TENM3: variants seen among roughly 807,000 people sequenced by gnomAD.
The protein encoded by TENM3 is teneurin transmembrane protein 3.
A neutral mutation model predicts 255.1 loss-of-function variants in TENM3; 63 were observed. The observed-to-expected ratio is 0.25, with a 90% CI of 0.20 to 0.30. The LOEUF is 0.30. TENM3 is among the 10% of genes least tolerant of loss of function. The pLI is 1.00. For missense variants in TENM3, 2,929 were observed against 3,461.1 expected (o/e 0.85, Z 3.86); for synonymous variants, 1,306 against 1,322.3 (o/e 0.99, Z 0.27).
intron 4 of TENM3, among the ~76,000 whole-genome samples, chr4:182,602,623 A>C (rs1748008301): frequency 6.6e-6 from 1 of 152,164 alleles, no homozygotes; most frequent in Non-Finnish European, 1.5e-5. Flanking sequence ...ATTTTGTATT[A>C]TTGAACATTC....
At chr4:182,269,318 G>A (rs1011644443) in intron 1 of TENM3, among the ~76,000 whole-genome samples, 1 of 152,046 alleles carries the variant, frequency 6.6e-6, no homozygotes, top group Non-Finnish European at 1.5e-5. Context: ...TGTCTGCAGG[G>A]GCAAGAAAGG....
chr4:182,380,927 CTT>C (rs1487095145), intron 3 of TENM3, among the ~76,000 whole-genome samples: 1 of 152,198 alleles, frequency 6.6e-6, no homozygotes, highest in East Asian at 1.9e-4. Flanking sequence ...GAAACCTCCT[CTT>C]GTTTGGCACC....
At chr4:181,847,813 T>C in the TENM3 span, among the ~76,000 whole-genome samples, 2 of 152,132 alleles carry the variant, frequency 1.3e-5, no homozygotes, top group Non-Finnish European at 2.9e-5. Context: ...TTAGAGTTTC[T>C]TTTAAAGATT....
At chr4:182,674,971 G>A (rs1042567001) in intron 7 of TENM3, among the ~76,000 whole-genome samples, 2 of 151,994 alleles carry the variant, frequency 1.3e-5, no homozygotes, top group Non-Finnish European at 2.9e-5. Context: ...CCGCCTCCCG[G>A]GTTCAAGTGA....
intron 1 of TENM3, among the ~76,000 whole-genome samples, chr4:182,234,088 C>T (rs1181642976): frequency 1.3e-5 from 2 of 152,156 alleles, no homozygotes; most frequent in Non-Finnish European, 2.9e-5. Context: ...CTGACAAATG[C>T]AGAAACCTCC....
chr4:181,859,172 G>A, the TENM3 span, among the ~76,000 whole-genome samples: 11 of 145,514 alleles, frequency 7.6e-5, no homozygotes, highest in Admixed American at 8.1e-4. Context: ...GAACCCAGGG[G>A]GCAGAGGTTG....
the TENM3 span, among the ~76,000 whole-genome samples, chr4:181,910,942 C>T: frequency 6.6e-6 from 1 of 152,026 alleles, no homozygotes; most frequent in South Asian, 2.1e-4. Context: ...CAGTTGTTTG[C>T]TATTATCAAT....
chr4:181,887,641 T>A, the TENM3 span, among the ~76,000 whole-genome samples: 1 of 152,232 alleles, frequency 6.6e-6, no homozygotes, highest in Non-Finnish European at 1.5e-5. Flanking sequence ...CGACAAAATT[T>A]TAAGTTCAGT....
intron 12 of TENM3, among the ~76,000 whole-genome samples, chr4:182,694,282 T>C (rs933450454): frequency 7.9e-5 from 12 of 151,966 alleles, no homozygotes; most frequent in Non-Finnish European, 1.3e-4. Flanking sequence ...GCTCATTTTT[T>C]GTATTTTTGT....
At position 182,800,122 on chromosome 4, in the gene TENM3, C is replaced by G. The variant is rs199649207; in HGVS notation, c.7871C>G (p.Ala2624Gly). ...GAGAAGGCGCGCATCCTGGAGCAGG[C>G]GCGGCAGCGCGCGCTCGCCCGGGCC... ...DEEKARILEQARQRALARAWA... is the reference protein window; with the variant it reads ...DEEKARILEQGRQRALARAWA... The change falls in exon 28 of 28, where the codon GCG (alanine) becomes GGG (glycine). Residue 2624 changes from alanine (A) to glycine (G), a missense_variant. Ala to Gly is a moderately conservative substitution (Grantham distance 60). Coordinates refer to ENST00000511685, the MANE Select transcript of TENM3 (RefSeq NM_001080477.4). 1,777 of 1,492,570 alleles carry G rather than the reference C, an allele frequency of 1.2e-3. 1 individual carries two copies. The highest frequency in any genetic ancestry group is 1.4e-3 in the Non-Finnish European group (1,594 of 1,129,878). 92.5% of individuals were successfully genotyped at this position (1,492,570 alleles called of 1,614,324 possible).
At chr4:182,238,678 TC>T (rs1161556516), upstream of TENM3, among the ~76,000 whole-genome samples, 2 of 152,218 alleles carry the variant, frequency 1.3e-5, no homozygotes, top group African/African-American at 2.4e-5. Context: ...TCCCTGACTG[TC>T]GGTGCTCAGT....
At position 182,196,565 on chromosome 4, in the gene TENM3, C is replaced by T. The variant is rs535892432; in HGVS notation, c.-76+51811C>T. Among the ~76,000 whole-genome samples, 4 of 152,136 alleles carry T rather than the reference C, an allele frequency of 2.6e-5. No homozygotes were observed. The South Asian group carries it at 6.2e-4, about 24-fold the overall frequency. On this transcript the variant is annotated intron_variant, in intron 1 of 2. Transcript: ENST00000512480. ...CTCACCTTCCCCATCTTGTTTTCAC[C>T]GTCATTGCCCTCTCTGGCTGGAAAG...
the TENM3 span, chr4:182,012,596 AC>A: frequency 6.6e-5 from 10 of 152,144 alleles, no homozygotes; most frequent in Non-Finnish European, 1.3e-4. Context: ...TATGGACCAT[AC>A]CCTGCAACAT....
chr4:182,198,930 A>G (rs962879960), intron 1 of TENM3, among the ~76,000 whole-genome samples: 1 of 152,188 alleles, frequency 6.6e-6, no homozygotes, highest in Non-Finnish European at 1.5e-5. Flanking sequence ...GTCAAATTAT[A>G]ACTGAAAAAA....
chr4:182,312,592 T>C (rs538422100), intron 1 of TENM3, among the ~76,000 whole-genome samples: 1 of 152,348 alleles, frequency 6.6e-6, no homozygotes, highest in Non-Finnish European at 1.5e-5. Context: ...CATATAATTG[T>C]GTTTCTTACT....
chr4:182,501,553 T>TC (rs1335892280), intron 3 of TENM3, among the ~76,000 whole-genome samples: 1 of 152,108 alleles, frequency 6.6e-6, no homozygotes, highest in Non-Finnish European at 1.5e-5. Flanking sequence ...CATTGAAAGG[T>TC]CCATCAGGAA....
At chr4:182,168,323 C>T (rs1363905745) in intron 1 of TENM3, among the ~76,000 whole-genome samples, 1 of 152,020 alleles carries the variant, frequency 6.6e-6, no homozygotes, top group East Asian at 1.9e-4. Context: ...TTTATAGGGA[C>T]TGGGTCTCAC....
intron 12 of TENM3, among the ~76,000 whole-genome samples, chr4:182,700,267 T>C (rs1269308066): frequency 6.6e-6 from 1 of 152,214 alleles, no homozygotes; most frequent in African/African-American, 2.4e-5. Context: ...GTAGAGAAAT[T>C]AAGCCCACAA....
intron 13 of TENM3, among the ~76,000 whole-genome samples, chr4:182,727,094 T>C (rs1009893554): frequency 1.3e-5 from 2 of 152,174 alleles, no homozygotes; most frequent in African/African-American, 2.4e-5. Context: ...CTAAGAGTGA[T>C]TAAAGTCTTC....
Sources: allele counts gnomAD v4.1 joint callset (sites outside exome capture counted in the v4.1 genomes callset), GRCh38; gene constraint gnomAD v4.1.1; transcripts MANE v1.5; gene names NCBI Gene and HGNC (gene_info 2026-07-23, HGNC 2026-07-21).